PEAK1: variants seen among roughly 807,000 people sequenced by gnomAD.
The protein encoded by PEAK1 is inactive tyrosine-protein kinase PEAK1.
Under a neutral mutation model 124.7 loss-of-function variants are expected in PEAK1, and 54 were observed. That is an observed-to-expected ratio of 0.43 (90% confidence interval 0.35 to 0.54). The LOEUF is 0.54. PEAK1 is among the 20% of genes least tolerant of loss of function. The probability of loss-of-function intolerance (pLI) is 0.01; values close to 1 mark genes in which losing one functional copy is unlikely to be tolerated. For missense variants in PEAK1, 2,046 were observed against 2,134.5 expected (o/e 0.96, Z 0.82); for synonymous variants, 719 against 760.0 (o/e 0.95, Z 0.89).
chr15:77,274,810 T>A (rs1040025585), intron 5 of PEAK1, among the ~76,000 whole-genome samples: 2 of 152,120 alleles, frequency 1.3e-5, no homozygotes, highest in South Asian at 4.1e-4. Context: ...ATCCCACTCC[T>A]GGATATCTAT....
intron 7 of PEAK1, among the ~76,000 whole-genome samples, chr15:77,164,412 G>A (rs140259890): frequency 1.3e-5 from 2 of 152,328 alleles, no homozygotes; most frequent in East Asian, 3.9e-4. Context: ...TAGGTCTCGA[G>A]ATGGGGAAGA....
chr15:77,256,017 T>C (rs1296730968), intron 5 of PEAK1, among the ~76,000 whole-genome samples: 2 of 151,918 alleles, frequency 1.3e-5, no homozygotes, highest in Non-Finnish European at 2.9e-5. Flanking sequence ...AGGAAAAAAA[T>C]CCAAGATCTT....
intron 9 of PEAK1, among the ~76,000 whole-genome samples, chr15:77,123,861 T>C (rs1263386582): frequency 6.6e-6 from 1 of 151,914 alleles, no homozygotes; most frequent in Non-Finnish European, 1.5e-5. Context: ...AGACAGACAA[T>C]GCAATCTGGG....
chr15:77,380,416 C>T (rs1371057885), intron 1 of PEAK1, among the ~76,000 whole-genome samples: 1 of 152,092 alleles, frequency 6.6e-6, no homozygotes, highest in East Asian at 1.9e-4. Context: ...AGGCAAGATC[C>T]CTTTTTATTC....
At chr15:77,165,686 G>A (rs148355088) in intron 7 of PEAK1, among the ~76,000 whole-genome samples, 238 of 152,300 alleles carry the variant, frequency 1.6e-3, no homozygotes, top group Middle Eastern at 3.4e-3. Context: ...CGAGGAAATG[G>A]ATGTAGGGCA....
chr15:77,118,437 A>C (rs2051594700), intron 9 of PEAK1, among the ~76,000 whole-genome samples: 1 of 152,184 alleles, frequency 6.6e-6, no homozygotes, highest in South Asian at 2.1e-4. Flanking sequence ...AAAAAACCTC[A>C]AAATGACCTG....
At chr15:77,195,208 T>G (rs1273733181) in intron 6 of PEAK1, among the ~76,000 whole-genome samples, 3 of 151,984 alleles carry the variant, frequency 2.0e-5, no homozygotes, top group African/African-American at 2.4e-5. Flanking sequence ...AAACTGAAAA[T>G]ATTTTAATGC....
intron 6 of PEAK1, among the ~76,000 whole-genome samples, chr15:77,210,324 A>G (rs1443367406): frequency 6.6e-6 from 1 of 152,214 alleles, no homozygotes; most frequent in East Asian, 1.9e-4. Context: ...TGCAGATCAT[A>G]AAGTTGAAGT....
intron 6 of PEAK1, among the ~76,000 whole-genome samples, chr15:77,241,514 G>T (rs1288316671): frequency 6.6e-6 from 1 of 151,836 alleles, no homozygotes; most frequent in Non-Finnish European, 1.5e-5. Context: ...CATATATATT[G>T]GAAAGGAAAA....
intron 5 of PEAK1, among the ~76,000 whole-genome samples, chr15:77,272,442 C>A (rs1473624406): frequency 6.6e-6 from 1 of 151,928 alleles, no homozygotes; most frequent in Non-Finnish European, 1.5e-5. Context: ...ACAGCCAATA[C>A]CAAAGAAATA....
chr15:77,153,347 A>T (rs1168155978), intron 8 of PEAK1, among the ~76,000 whole-genome samples: 3 of 152,064 alleles, frequency 2.0e-5, no homozygotes, highest in African/African-American at 4.8e-5. Context: ...CCCCTTTATC[A>T]TTTTTTATTG....
At chr15:77,250,158 T>TAC (rs2060783253) in intron 6 of PEAK1, among the ~76,000 whole-genome samples, 22 of 141,862 alleles carry the variant, frequency 1.6e-4, no homozygotes, top group African/African-American at 5.6e-4. Flanking sequence ...TATATATACA[T>TAC]ATATATACAT....
intron 2 of PEAK1, among the ~76,000 whole-genome samples, chr15:77,343,492 T>C (rs2066671640): frequency 6.7e-6 from 1 of 148,198 alleles, no homozygotes; most frequent in Admixed American, 6.7e-5. Flanking sequence ...CTTTTTTTTT[T>C]TTTTTTTTTT....
At position 77,181,854 on chromosome 15, in the gene PEAK1, T is replaced by C; in HGVS notation, c.73A>G (p.Ser25Gly). The C allele has an allele frequency of 6.2e-7, 1 of 1,612,704 alleles. No individual in the cohort carries two copies. The highest frequency in any genetic ancestry group is 1.1e-5 in the South Asian group (1 of 90,958). ...GECKNCFKPK[S>G]LHQLPPDPEK... ...GGGTCTGGGGGAAGCTGGTGCAAAC[T>C]TTTAGGTTTAAAGCAATTCTTGCAT... Residue 25 changes from serine (S) to glycine (G), a missense_variant, in exon 7 of 10, where the codon AGT (serine) becomes GGT (glycine). Transcript: ENST00000682557.
chr15:77,224,484 G>C (rs143584190), intron 6 of PEAK1, among the ~76,000 whole-genome samples: 1 of 151,988 alleles, frequency 6.6e-6, no homozygotes, highest in Non-Finnish European at 1.5e-5. Flanking sequence ...ATTTGTCTCT[G>C]ACTTATCAGA....
intron 2 of PEAK1, among the ~76,000 whole-genome samples, chr15:77,354,690 T>C (rs2067400741): frequency 6.6e-6 from 1 of 152,206 alleles, no homozygotes; most frequent in African/African-American, 2.4e-5. Flanking sequence ...CTAGAAAGTG[T>C]TGTCTCTTGT....
intron 2 of PEAK1, among the ~76,000 whole-genome samples, chr15:77,307,412 CT>C (rs1381657747): frequency 6.6e-6 from 1 of 152,084 alleles, no homozygotes; most frequent in African/African-American, 2.4e-5. Flanking sequence ...CTACAGAGAT[CT>C]ACTGTCGTAG....
chr15:77,332,239 A>G (rs1054947740), intron 2 of PEAK1: 23 of 984,792 alleles, frequency 2.3e-5, no homozygotes, highest in Non-Finnish European at 2.7e-5. Context: ...ACAAAACACA[A>G]AAAGTTGATT....
Position 77,179,100 on chromosome 15 carries a change from T to C in PEAK1, c.2827A>G (p.Lys943Glu), listed in dbSNP as rs1367765332. The change falls in exon 7 of 10, where the codon AAA becomes GAA. Residue 943 changes from lysine (K) to glutamate (E), a missense_variant. Coordinates refer to ENST00000682557, the MANE Select transcript of PEAK1 (RefSeq NM_001385026.1). ...TTCCCTTTCTCTCGCTCTTTCTCTT[T>C]GTCATCCTCCTCATCTGTTTTCCGA... ...RRRKTDEEDD[K>E]EKEREKGKLV... 6.2e-7 allele frequency: 1 copy of C among 1,614,212 alleles called. No homozygotes were observed. Among genetic ancestry groups the C allele is most frequent in the Admixed American group, 1.7e-5 (1 of 60,014 alleles).
Sources: gnomAD v4.1 joint callset for allele counts (sites outside exome capture counted in the v4.1 genomes callset) on GRCh38, gnomAD v4.1.1 for gene constraint, MANE v1.5 for transcripts, NCBI Gene and HGNC (gene_info 2026-07-23, HGNC 2026-07-21) for gene names.